SPECC1: variants seen among roughly 807,000 people sequenced by gnomAD.
SPECC1 encodes sperm antigen with calponin homology and coiled-coil domains 1, also known as cytospin-B.
SPECC1 carries 62 observed loss-of-function variants against 104.1 expected under a neutral mutation model. The observed-to-expected ratio is 0.60, with a 90% CI of 0.49 to 0.74. SPECC1 has a LOEUF of 0.74. Ranked by LOEUF, SPECC1 falls within the 30% of genes least tolerant of loss-of-function variation. The pLI is 0.00. For missense variants in SPECC1, 1,306 were observed against 1,310.5 expected, an observed-to-expected ratio of 1.00 and a Z score of 0.05; for synonymous variants, 513 against 501.6, an observed-to-expected ratio of 1.02 and a Z score of -0.30.
intron 12 of SPECC1, among the ~76,000 whole-genome samples, chr17:20,286,064 G>A (rs1411621291): frequency 2.0e-5 from 3 of 151,956 alleles, no homozygotes; most frequent in African/African-American, 4.8e-5. Context: ...CTCCTGCCTC[G>A]GCCTCCCAAA....
At chr17:20,187,099 A>T (rs2035334390) in intron 3 of SPECC1, among the ~76,000 whole-genome samples, 1 of 152,030 alleles carries the variant, frequency 6.6e-6, no homozygotes, top group African/African-American at 2.4e-5. Flanking sequence ...AGCATCCCTA[A>T]TCTGGAAATC....
chr17:20,288,771 C>CTT (rs60578647), intron 12 of SPECC1, among the ~76,000 whole-genome samples: 240 of 73,622 alleles, frequency 3.3e-3, no homozygotes, highest in African/African-American at 4.0e-3. Context: ...AAGGGCACTT[C>CTT]TTTTTTTTTT....
chr17:20,029,814 A>G (rs996342286), intron 1 of SPECC1, among the ~76,000 whole-genome samples: 2 of 152,100 alleles, frequency 1.3e-5, no homozygotes, highest in African/African-American at 4.8e-5. Flanking sequence ...GTCTAGTTAA[A>G]AGGTTTGTTA....
At chr17:20,030,187 T>A (rs1410153496) in intron 1 of SPECC1, among the ~76,000 whole-genome samples, 1 of 151,818 alleles carries the variant, frequency 6.6e-6, no homozygotes, top group Non-Finnish European at 1.5e-5. Context: ...TTAATTATTT[T>A]ATTTATTTTT....
At chr17:20,179,835 G>A (rs1401855887) in intron 3 of SPECC1, among the ~76,000 whole-genome samples, 2 of 152,216 alleles carry the variant, frequency 1.3e-5, no homozygotes, top group Non-Finnish European at 2.9e-5. Context: ...ATAAATGGAA[G>A]ATATTAACAC....
At chr17:20,096,029 A>G (rs1046562911) in intron 1 of SPECC1, 2 of 152,150 alleles carry the variant, frequency 1.3e-5, no homozygotes, top group Non-Finnish European at 2.9e-5. Flanking sequence ...CTTCAGCTGT[A>G]TCTTGCTGGT....
chr17:20,175,475 C>G (rs1299578479), intron 3 of SPECC1, among the ~76,000 whole-genome samples: 4 of 152,128 alleles, frequency 2.6e-5, no homozygotes, highest in African/African-American at 4.8e-5. Context: ...TTTCAGTCCT[C>G]TATGTCTCTT....
intron 3 of SPECC1, among the ~76,000 whole-genome samples, chr17:20,135,340 G>A (rs1201594456): frequency 6.6e-6 from 1 of 152,104 alleles, no homozygotes; most frequent in African/African-American, 2.4e-5. Flanking sequence ...TGTTTAGATG[G>A]GACGTTTATC....
At chr17:20,088,503 G>T (rs537369709) in intron 1 of SPECC1, among the ~76,000 whole-genome samples, 84 of 152,260 alleles carry the variant, frequency 5.5e-4, no homozygotes, top group Non-Finnish European at 2.8e-4. Flanking sequence ...CGATTTTCTG[G>T]AGGTTTAGAG....
chr17:20,115,852 A>T (rs548776913), intron 3 of SPECC1, among the ~76,000 whole-genome samples: 96 of 152,352 alleles, frequency 6.3e-4, no homozygotes, highest in African/African-American at 2.2e-3. Context: ...ATCACCAGTC[A>T]TCTAAAATTT....
chr17:20,250,678 A>T (rs1343715031), intron 9 of SPECC1, among the ~76,000 whole-genome samples: 1 of 152,366 alleles, frequency 6.6e-6, no homozygotes, highest in East Asian at 1.9e-4. Flanking sequence ...AATAATGTCA[A>T]TCTTACGTAA....
chr17:20,250,384 GC>G (rs2039577412), intron 9 of SPECC1, among the ~76,000 whole-genome samples: 1 of 152,080 alleles, frequency 6.6e-6, no homozygotes, highest in Admixed American at 6.6e-5. Context: ...GACAAGAAAA[GC>G]TAATGCAAAA....
chr17:20,234,048 C>T (rs1229789651), intron 7 of SPECC1, among the ~76,000 whole-genome samples: 3 of 152,202 alleles, frequency 2.0e-5, no homozygotes, highest in Non-Finnish European at 4.4e-5. Context: ...TATGTATATT[C>T]TGAGACACAG....
intron 1 of SPECC1, among the ~76,000 whole-genome samples, chr17:20,070,773 C>T (rs2046519982): frequency 6.6e-6 from 1 of 151,980 alleles, no homozygotes; most frequent in Non-Finnish European, 1.5e-5. Context: ...AAAGGTTATG[C>T]ACAGATGTTT....
chr17:20,251,622 T>A (rs2039637130), intron 9 of SPECC1, among the ~76,000 whole-genome samples: 2 of 152,250 alleles, frequency 1.3e-5, no homozygotes, highest in Non-Finnish European at 2.9e-5. Flanking sequence ...AGCCTCAGAA[T>A]GGCCCTGCAC....
intron 7 of SPECC1, among the ~76,000 whole-genome samples, chr17:20,243,405 T>A (rs939237895): frequency 6.6e-6 from 1 of 152,234 alleles, no homozygotes; most frequent in Non-Finnish European, 1.5e-5. Context: ...CTGTTACTAA[T>A]TGATCCCAGC....
At chr17:20,284,104 T>C (rs2040865045) in intron 12 of SPECC1, among the ~76,000 whole-genome samples, 1 of 152,194 alleles carries the variant, frequency 6.6e-6, no homozygotes, top group African/African-American at 2.4e-5. Flanking sequence ...AATTTTGGTT[T>C]TTAAGCTTAG....
intron 10 of SPECC1, among the ~76,000 whole-genome samples, chr17:20,256,978 C>G (rs535376145): frequency 6.6e-6 from 1 of 152,316 alleles, no homozygotes; most frequent in South Asian, 2.1e-4. Flanking sequence ...TTTAGCAAGC[C>G]AGGCCCTATG....
chr17:20,260,880 T>C (rs2040001817), intron 12 of SPECC1, among the ~76,000 whole-genome samples: 1 of 151,994 alleles, frequency 6.6e-6, no homozygotes, highest in African/African-American at 2.4e-5. Flanking sequence ...TTGTCTTGAG[T>C]CATGGGCCAC....
Sources: gnomAD v4.1 joint callset for allele counts (sites outside exome capture counted in the v4.1 genomes callset) on GRCh38, gnomAD v4.1.1 for gene constraint, MANE v1.5 for transcripts, NCBI Gene and HGNC (gene_info 2026-07-23, HGNC 2026-07-21) for gene names.